Variants in RANBP2 observed in about 807,000 individuals in gnomAD.
RANBP2 encodes RAN binding protein 2.
In RANBP2, 57 loss-of-function variants were observed where a neutral mutation model predicts 303.6. That is an observed-to-expected ratio of 0.19 (90% CI 0.15 to 0.23). The LOEUF (loss-of-function observed/expected upper bound fraction) is 0.23, where lower values mean the gene tolerates loss of function less well. Ranked by LOEUF, RANBP2 falls within the 10% of genes least tolerant of loss-of-function variation. RANBP2 has a pLI of 1.00. For synonymous variants in RANBP2, 1,167 were observed against 1,301.5 expected (o/e 0.90, Z 2.23); for missense variants, 3,138 against 3,780.8 (o/e 0.83, Z 4.46).
the RANBP2 span, chr2:109,545,846 T>G: frequency 7.0e-7 from 1 of 1,437,748 alleles, no homozygotes; most frequent in Non-Finnish European, 9.1e-7. Context: ...ACTGAACACA[T>G]AACATGTGCC....
At chr2:109,373,805 A>G in the RANBP2 span, among the ~76,000 whole-genome samples, 1,233 of 152,324 alleles carry the variant, frequency 8.1e-3, 14 homozygotes, top group African/African-American at 0.029. Context: ...CTTAAAGGAC[A>G]GGTAAGATCT....
chr2:109,209,070 G>T, the RANBP2 span, among the ~76,000 whole-genome samples: 1 of 152,194 alleles, frequency 6.6e-6, no homozygotes, highest in Non-Finnish European at 1.5e-5. Context: ...ACTTTCCGTG[G>T]CAGCCAGTAC....
the RANBP2 span, chr2:109,585,959 C>T: frequency 3.0e-6 from 2 of 669,872 alleles, no homozygotes; most frequent in Admixed American, 5.7e-5. Flanking sequence ...AATCATTATA[C>T]CTCACCTAAG....
chr2:109,322,551 G>A, the RANBP2 span, among the ~76,000 whole-genome samples: 1 of 152,220 alleles, frequency 6.6e-6, no homozygotes, highest in Non-Finnish European at 1.5e-5. Context: ...CTGTGTAATA[G>A]TGTGCACTGA....
At chr2:109,168,081 A>G in the RANBP2 span, among the ~76,000 whole-genome samples, 2 of 152,200 alleles carry the variant, frequency 1.3e-5, no homozygotes, top group African/African-American at 4.8e-5. Flanking sequence ...AAATCATCCT[A>G]CACACCCAAT....
the RANBP2 span, among the ~76,000 whole-genome samples, chr2:109,049,108 T>C: frequency 2.0e-5 from 3 of 152,186 alleles, no homozygotes; most frequent in Non-Finnish European, 2.9e-5. Flanking sequence ...TATTTTTCAG[T>C]AGAGCTATCC....
chr2:109,660,025 A>G, the RANBP2 span, among the ~76,000 whole-genome samples: 1 of 152,224 alleles, frequency 6.6e-6, no homozygotes, highest in Non-Finnish European at 1.5e-5. Flanking sequence ...TAAGGCCTGG[A>G]GGCAAAGAAC....
At chr2:109,608,957 T>C in the RANBP2 span, among the ~76,000 whole-genome samples, 54 of 152,348 alleles carry the variant, frequency 3.5e-4, no homozygotes, top group African/African-American at 1.3e-3. Flanking sequence ...AAGGGTCCTG[T>C]ATGTATTCTT....
At chr2:109,496,447 G>A in the RANBP2 span, among the ~76,000 whole-genome samples, 2 of 152,152 alleles carry the variant, frequency 1.3e-5, no homozygotes, top group African/African-American at 2.4e-5. Context: ...GTCCCCACTC[G>A]ACCCAGGAAG....
the RANBP2 span, among the ~76,000 whole-genome samples, chr2:109,400,973 C>G: frequency 6.6e-6 from 1 of 152,210 alleles, no homozygotes; most frequent in Admixed American, 6.5e-5. Flanking sequence ...TCTTGAGCAC[C>G]TCCTATTTGG....
chr2:109,587,750 A>G, the RANBP2 span, among the ~76,000 whole-genome samples: 1 of 152,060 alleles, frequency 6.6e-6, no homozygotes. Flanking sequence ...TGTGTCTACT[A>G]AAAATACAAA....
At chr2:109,641,582 G>A in the RANBP2 span, among the ~76,000 whole-genome samples, 1 of 152,132 alleles carries the variant, frequency 6.6e-6, no homozygotes, top group Non-Finnish European at 1.5e-5. Context: ...GGTTTCCAGG[G>A]GCTAGGAGGA....
downstream of RANBP2, chr2:108,786,929 C>T (rs773582876): frequency 6.7e-7 from 1 of 1,502,842 alleles, no homozygotes; most frequent in Non-Finnish European, 8.9e-7. Flanking sequence ...AAGCCGCCGC[C>T]TGAGGTCCGC....
the RANBP2 span, chr2:109,490,955 C>T: frequency 8.2e-6 from 12 of 1,458,086 alleles, no homozygotes; most frequent in Non-Finnish European, 5.4e-6. Context: ...AGGGGCTTGT[C>T]TGCTCTGTGG....
the RANBP2 span, among the ~76,000 whole-genome samples, chr2:109,316,808 C>T: frequency 0.31 from 47,808 of 152,076 alleles, 9,365 homozygotes; most frequent in African/African-American, 0.56. Flanking sequence ...TCTGGTTATC[C>T]CTCCCTGGCC....
At chr2:109,612,059 A>G in the RANBP2 span, among the ~76,000 whole-genome samples, 1 of 152,212 alleles carries the variant, frequency 6.6e-6, no homozygotes, top group East Asian at 1.9e-4. Context: ...TTTATTGCCA[A>G]TAGCCAACAA....
chr2:109,453,756 T>C, the RANBP2 span, among the ~76,000 whole-genome samples: 1 of 152,196 alleles, frequency 6.6e-6, no homozygotes, highest in Admixed American at 6.5e-5. Context: ...AGGCGATTGA[T>C]TGCAGGAGAG....
the RANBP2 span, among the ~76,000 whole-genome samples, chr2:109,697,388 G>A: frequency 6.6e-6 from 1 of 152,014 alleles, no homozygotes; most frequent in African/African-American, 2.4e-5. Flanking sequence ...GGCAGGCTGA[G>A]GCAGGAGAAT....
chr2:108,962,844 G>A, the RANBP2 span, among the ~76,000 whole-genome samples: 2 of 152,062 alleles, frequency 1.3e-5, no homozygotes, highest in Non-Finnish European at 2.9e-5. Context: ...TGAATTAAAA[G>A]CACAAATCCA....
Sources: allele counts gnomAD v4.1 joint callset (sites outside exome capture counted in the v4.1 genomes callset), GRCh38; gene constraint gnomAD v4.1.1; transcripts MANE v1.5; gene names NCBI Gene and HGNC (gene_info 2026-07-23, HGNC 2026-07-21).